Variants in COL21A1 observed in about 807,000 individuals in gnomAD.
The protein encoded by COL21A1 is collagen alpha-1(XXI) chain.
A neutral mutation model predicts 137.9 loss-of-function variants in COL21A1; 149 were observed. That is an observed-to-expected ratio of 1.08 (90% CI 0.95 to 1.24). The LOEUF is 1.24. COL21A1 is among the 50% of genes most tolerant of loss of function. The pLI is 0.00. For missense variants in COL21A1, 1,167 were observed against 1,158.4 expected, an observed-to-expected ratio of 1.01 and a Z score of -0.11; for synonymous variants, 456 against 391.5, an observed-to-expected ratio of 1.16 and a Z score of -1.95.
intron 1 of COL21A1, among the ~76,000 whole-genome samples, chr6:56,290,811 A>G (rs1562042034): frequency 6.6e-6 from 1 of 152,068 alleles, no homozygotes; most frequent in East Asian, 1.9e-4. Flanking sequence ...GGAAGATTTT[A>G]ACAACCCACT....
At chr6:56,265,828 T>C (rs1479842597) in intron 1 of COL21A1, among the ~76,000 whole-genome samples, 1 of 152,168 alleles carries the variant, frequency 6.6e-6, no homozygotes, top group Non-Finnish European at 1.5e-5. Flanking sequence ...TTTGAAAACA[T>C]TAAATAATGA....
chr6:56,191,875 A>G (rs1778708512), intron 1 of COL21A1, among the ~76,000 whole-genome samples: 1 of 152,168 alleles, frequency 6.6e-6, no homozygotes, highest in African/African-American at 2.4e-5. Flanking sequence ...AGAACCAAAA[A>G]AGAGCCCACA....
chr6:56,307,724 A>T (rs1387421352), intron 1 of COL21A1, among the ~76,000 whole-genome samples: 8 of 152,218 alleles, frequency 5.3e-5, no homozygotes, highest in African/African-American at 1.4e-4. Flanking sequence ...CACTGCACCC[A>T]CGGTCCTGCA....
intron 1 of COL21A1, among the ~76,000 whole-genome samples, chr6:56,294,716 G>A (rs1006643798): frequency 2.6e-5 from 4 of 152,064 alleles, no homozygotes; most frequent in African/African-American, 9.6e-5. Context: ...AAATGATGTT[G>A]AGTATCTCCT....
intron 1 of COL21A1, among the ~76,000 whole-genome samples, chr6:56,200,992 C>T (rs1779366082): frequency 2.0e-5 from 3 of 152,178 alleles, no homozygotes; most frequent in Non-Finnish European, 4.4e-5. Flanking sequence ...TAATGATCGC[C>T]ATTCTCACTG....
At chr6:56,138,037 G>A (rs1051532693) in intron 12 of COL21A1, among the ~76,000 whole-genome samples, 1 of 152,056 alleles carries the variant, frequency 6.6e-6, no homozygotes, top group Non-Finnish European at 1.5e-5. Context: ...CTGAGGAAAG[G>A]ATTTTTTTAA....
At chr6:56,239,877 G>A (rs981594178) in intron 1 of COL21A1, among the ~76,000 whole-genome samples, 2 of 152,124 alleles carry the variant, frequency 1.3e-5, no homozygotes, top group Non-Finnish European at 2.9e-5. Flanking sequence ...GCCTGGTATG[G>A]TTTGCCTGTG....
Position 56,120,661 on chromosome 6 carries a change from G to A in COL21A1, c.1758+3401C>T, listed in dbSNP as rs184696445. Among the ~76,000 whole-genome samples the A allele has an allele frequency of 2.1e-3, 314 of 152,234 alleles. 1 individual carries two copies. The highest frequency in any genetic ancestry group is 3.3e-3 in the Non-Finnish European group (224 of 68,004). ...ATACAAAAATTAGCCGGGCATCATG[G>A]CAGTTGCCTGTAATCCCTGCTACTT... On this transcript the variant is annotated intron_variant, in intron 16 of 29. Transcript: ENST00000244728.
chr6:56,067,571 A>G (rs1308559988), intron 22 of COL21A1, among the ~76,000 whole-genome samples: 1 of 151,712 alleles, frequency 6.6e-6, no homozygotes, highest in Non-Finnish European at 1.5e-5. Context: ...TTTCACCACA[A>G]TCTTTAATTT....
At chr6:56,223,429 C>T (rs949085230) in intron 1 of COL21A1, among the ~76,000 whole-genome samples, 8 of 151,978 alleles carry the variant, frequency 5.3e-5, no homozygotes, top group African/African-American at 1.4e-4. Context: ...TATTTATTTG[C>T]TTTTCCAAGT....
intron 1 of COL21A1, chr6:56,276,595 G>T (rs1357543884): frequency 5.0e-6 from 7 of 1,412,830 alleles, no homozygotes; most frequent in Non-Finnish European, 6.0e-6. Flanking sequence ...CAGAGAGAAC[G>T]CCAGGGTATT....
chr6:56,124,625 A>G (rs753552731), intron 14 of COL21A1, among the ~76,000 whole-genome samples: 5 of 101,782 alleles, frequency 4.9e-5, no homozygotes, highest in Non-Finnish European at 8.4e-5. Flanking sequence ...TTCAGTGGAC[A>G]TGTTTTTTGT....
At chr6:56,070,825 T>G (rs746125801) in intron 20 of COL21A1, 27 bp from the exon 21 acceptor site, 2 of 1,557,626 alleles carry the variant, frequency 1.3e-6, no homozygotes, top group Admixed American at 2.0e-5. Flanking sequence ...AACATTGGAG[T>G]TTTTTAAAAA....
intron 3 of COL21A1, among the ~76,000 whole-genome samples, chr6:56,176,319 A>T (rs1337205048): frequency 3.3e-5 from 5 of 152,030 alleles, no homozygotes; most frequent in Non-Finnish European, 7.4e-5. Context: ...GAGAAAAAAA[A>T]CTCTGTAAAA....
intron 1 of COL21A1, among the ~76,000 whole-genome samples, chr6:56,206,614 T>G (rs1039020483): frequency 6.7e-6 from 1 of 150,106 alleles, no homozygotes; most frequent in African/African-American, 2.4e-5. Context: ...TATTCAGGTC[T>G]TGAACTCAGC....
At chr6:56,098,010 TAA>T (rs1470458906) in intron 17 of COL21A1, among the ~76,000 whole-genome samples, 1 of 63,236 alleles carries the variant, frequency 1.6e-5, no homozygotes, top group Non-Finnish European at 2.6e-5. Context: ...TATAAATATA[TAA>T]ATATATATAA....
chr6:56,224,753 G>T (rs951072148), intron 1 of COL21A1, among the ~76,000 whole-genome samples: 1 of 151,958 alleles, frequency 6.6e-6, no homozygotes, highest in African/African-American at 2.4e-5. Flanking sequence ...ATCAATATGG[G>T]CCATTAAATG....
At chr6:56,140,615 C>A (rs1774337734) in intron 12 of COL21A1, among the ~76,000 whole-genome samples, 1 of 152,080 alleles carries the variant, frequency 6.6e-6, no homozygotes, top group African/African-American at 2.4e-5. Flanking sequence ...ATCAAGTAAC[C>A]ATGTTATAAA....
At chr6:56,292,400 CT>C (rs1764069733) in intron 1 of COL21A1, among the ~76,000 whole-genome samples, 2 of 141,302 alleles carry the variant, frequency 1.4e-5, no homozygotes, top group Non-Finnish European at 3.1e-5. Flanking sequence ...GACCCCCCCC[CT>C]CCCCCGCCAA....
Sources: allele counts gnomAD v4.1 joint callset (sites outside exome capture counted in the v4.1 genomes callset), GRCh38; gene constraint gnomAD v4.1.1; transcripts MANE v1.5; gene names NCBI Gene and HGNC (gene_info 2026-07-23, HGNC 2026-07-21).